CCZ1: variants seen among roughly 807,000 people sequenced by gnomAD.
The protein encoded by CCZ1 is CCZ1 vacuolar protein trafficking and biogenesis associated, also known as vacuolar fusion protein CCZ1 homolog.
In CCZ1, 19 loss-of-function variants were observed where a neutral mutation model predicts 57.8. The observed-to-expected ratio is 0.33, with a 90% confidence interval of 0.23 to 0.48. CCZ1 has a LOEUF of 0.48. Ranked by LOEUF, CCZ1 falls within the 20% of genes least tolerant of loss-of-function variation. The pLI is 0.99. For missense variants in CCZ1, 200 were observed against 492.0 expected (o/e 0.41, Z 5.61); for synonymous variants, 81 against 167.0 (o/e 0.49, Z 3.97).
chr7:5,902,526 A>C, intron 5 of CCZ1, 135 bp from the exon 6 acceptor site: 1 of 1,359,672 alleles, frequency 7.4e-7, no homozygotes, highest in East Asian at 3.9e-5. Flanking sequence ...TTTCTCATGT[A>C]AATATTCTCT....
intron 1 of CCZ1, among the ~76,000 whole-genome samples, chr7:5,899,869 A>G (rs1781642276): frequency 1.3e-5 from 2 of 150,218 alleles, no homozygotes; most frequent in Non-Finnish European, 1.5e-5. Context: ...TTTATTTCTT[A>G]CAAGCATTGG....
intron 7 of CCZ1, among the ~76,000 whole-genome samples, chr7:5,908,622 T>C (rs1781892249): frequency 6.8e-6 from 1 of 147,906 alleles, no homozygotes; most frequent in Non-Finnish European, 1.5e-5. Context: ...TTAGGTGATC[T>C]GCTCACCTTG....
At chr7:5,900,978 T>C in intron 4 of CCZ1, 46 bp downstream of exon 4, 1 of 1,145,848 alleles carries the variant, frequency 8.7e-7, no homozygotes, top group South Asian at 1.7e-5. Context: ...TTAAATGTAT[T>C]GCTGAGTATG....
intron 10 of CCZ1, chr7:5,918,228 CT>C (rs1779175172): frequency 7.6e-6 from 1 of 131,822 alleles, no homozygotes; most frequent in South Asian, 2.4e-4. Flanking sequence ...AGAACGAAAT[CT>C]GTGGCTTTCA....
At chr7:5,899,730 T>G (rs1387383997) in intron 1 of CCZ1, among the ~76,000 whole-genome samples, 1 of 151,024 alleles carries the variant, frequency 6.6e-6, no homozygotes, top group African/African-American at 2.4e-5. Flanking sequence ...ATAGCGCCAC[T>G]GCACTACAGC....
At chr7:5,912,698 C>T (rs1415206387) in intron 9 of CCZ1, 145 bp from the exon 10 acceptor site, 16 of 918,152 alleles carry the variant, frequency 1.7e-5, no homozygotes, top group Middle Eastern at 4.4e-4. Flanking sequence ...CCACGCCCAG[C>T]CAGCATATTC....
chr7:5,924,004 CTT>C (rs1240295071), intron 14 of CCZ1, 42 bp downstream of exon 14: 10 of 1,004,266 alleles, frequency 1.0e-5, no homozygotes, highest in Non-Finnish European at 1.5e-5. Flanking sequence ...GAGAAGTTGT[CTT>C]TTCATTGCAT....
At chr7:5,902,957 C>G (rs1781719594) in intron 6 of CCZ1, among the ~76,000 whole-genome samples, 1 of 148,658 alleles carries the variant, frequency 6.7e-6, no homozygotes, top group Non-Finnish European at 1.5e-5. Flanking sequence ...TAAGGCAGAG[C>G]TTCCTGCGTT....
intron 3 of CCZ1, 100 bp from the exon 4 acceptor site, chr7:5,900,755 T>A: frequency 1.3e-6 from 2 of 1,579,186 alleles, no homozygotes; most frequent in Non-Finnish European, 1.7e-6. Context: ...TAAGAAGCTA[T>A]GTTTCTGATG....
intron 8 of CCZ1, among the ~76,000 whole-genome samples, chr7:5,910,606 G>A (rs1202912834): frequency 2.1e-5 from 3 of 143,894 alleles, no homozygotes; most frequent in African/African-American, 5.1e-5. Context: ...GATTACAGGC[G>A]TGAGCCACCG....
chr7:5,900,803 A>G, intron 3 of CCZ1, 52 bp from the exon 4 acceptor site: 2 of 1,546,352 alleles, frequency 1.3e-6, no homozygotes, highest in Non-Finnish European at 1.7e-6. Flanking sequence ...AAGGCAAAAT[A>G]AACATGGTCT....
chr7:5,920,358 G>C (rs1779214789), intron 12 of CCZ1, among the ~76,000 whole-genome samples: 1 of 117,830 alleles, frequency 8.5e-6, no homozygotes, highest in African/African-American at 3.2e-5. Context: ...GTGGGGCACT[G>C]GGCCTGGGTA....
At position 5,903,181 on chromosome 7, in the gene CCZ1, G is replaced by A. The variant is rs1185472725; in HGVS notation, c.522+437G>A. Among the ~76,000 whole-genome samples, 3 of 148,812 alleles carry A rather than the reference G, an allele frequency of 2.0e-5. 1 individual carries two copies. Among genetic ancestry groups the A allele is most frequent in the African/African-American group, 7.5e-5 (3 of 40,228 alleles). On this transcript the variant is annotated intron_variant, in intron 6 of 14. Coordinates refer to ENST00000325974, the MANE Select transcript of CCZ1 (RefSeq NM_015622.6). ...GATGTAGGTAAGAGTTACTGGCCTT[G>A]ACAGACTTTGTCAGATTAGCGATTG...
rs1347700059 is a variant in CCZ1 at position 5,925,960 on chromosome 7, TAA to T, written c.*276_*277del. On this transcript the variant is annotated 3_prime_UTR_variant, in exon 15 of 15. Transcript: ENST00000325974. ...CTGGAAAATAAGACTAATAAATTGT[TAA>T]AAGTTTTTAAAATTCTGGTTTGGTG... 2.0e-5 allele frequency: 12 copies of T among 587,698 alleles called. No individual in the cohort carries two copies. The highest frequency in any genetic ancestry group is 1.6e-4 in the South Asian group (8 of 49,664). The allele number at this position is 587,698 out of a possible 1,614,324, so 36.4% of individuals were successfully genotyped here. A position where few individuals can be genotyped will look rare whatever the true frequency, so the allele number is the denominator to read the frequency against.
rs750818518 is a variant in CCZ1, at chr7:5,902,739, C to G, written c.517C>G (p.His173Asp). The G allele has an allele frequency of 1.3e-6, 2 of 1,593,172 alleles. No individual in the cohort carries two copies. The highest frequency in any genetic ancestry group is 2.7e-5 in the African/African-American group (2 of 73,252). Residue 173 changes from histidine to aspartate, a missense_variant, in exon 6 of 15, where the codon CAT becomes GAT. Physicochemically the swap from His to Asp is moderately conservative, Grantham distance 81. This residue lies in a region of CCZ1 where 128 missense variants were observed against 178.4 expected (regional missense o/e 0.72). Coordinates refer to ENST00000325974, the MANE Select transcript of CCZ1 (RefSeq NM_015622.6). ...GAAAGAAAGATTAGAGAAATTCTTC[C>G]ATCGGGTAAGTATTTTGAATTTCAT... ...LLKERLEKFF[H>D]RYLQTLHLQS...
chr7:5,912,376 CCTTTTTTTTT>C (rs1168765153), intron 9 of CCZ1, among the ~76,000 whole-genome samples: 1,438 of 99,646 alleles, frequency 0.014, 25 homozygotes, highest in African/African-American at 0.029. Context: ...TTCAGCATAC[CCTTTTTTTTT>C]TTTTTTTTTT....
At chr7:5,907,438 T>A (rs1781857867) in intron 7 of CCZ1, among the ~76,000 whole-genome samples, 2 of 148,770 alleles carry the variant, frequency 1.3e-5, no homozygotes. Context: ...TAGTGGCCCA[T>A]GGCCTTGCTT....
rs747016899 is a variant in CCZ1 at position 5,902,685 on chromosome 7, G to A, written c.463G>A (p.Ala155Thr). 3 of 1,591,234 alleles carry A rather than the reference G, an allele frequency of 1.9e-6. No homozygotes were observed. Among genetic ancestry groups the A allele is most frequent in the Non-Finnish European group, 2.6e-6 (3 of 1,175,750 alleles). The change falls in exon 6 of 15, where the codon GCC becomes ACC. Residue 155 changes from alanine to threonine, a missense_variant. Ala to Thr is a moderately conservative substitution (Grantham distance 58, BLOSUM62 0). Coordinates refer to ENST00000325974, the MANE Select transcript of CCZ1 (RefSeq NM_015622.6). ...YKLFNGTFLK[A>T]MEDGGVKLLK... ...GCTTTTTAATGGTACATTTCTGAAAGCCATGGAAGACGGAGGCGTCAAGCT... is the reference window on the plus strand; with the variant it reads ...GCTTTTTAATGGTACATTTCTGAAAACCATGGAAGACGGAGGCGTCAAGCT...
At chr7:5,903,518 T>C (rs1781731195) in intron 6 of CCZ1, among the ~76,000 whole-genome samples, 1 of 89,576 alleles carries the variant, frequency 1.1e-5, no homozygotes, top group Admixed American at 1.3e-4. Context: ...TTCATAGCTA[T>C]TTTTGAATTT....
Sources: allele counts gnomAD v4.1 joint callset (sites outside exome capture counted in the v4.1 genomes callset), GRCh38; gene constraint gnomAD v4.1.1; regional missense constraint gnomAD v4.1.1; transcripts MANE v1.5; gene names NCBI Gene and HGNC (gene_info 2026-07-23, HGNC 2026-07-21).